Variants in PIGG observed in about 807,000 individuals in gnomAD.
PIGG encodes the protein GPI ethanolamine phosphate transferase 2, catalytic subunit.
A neutral mutation model predicts 83.2 loss-of-function variants in PIGG; 70 were observed. The observed-to-expected ratio is 0.84, with a 90% CI of 0.69 to 1.03. The LOEUF (loss-of-function observed/expected upper bound fraction) is 1.03. PIGG is among the 50% of genes least tolerant of loss of function. The probability of loss-of-function intolerance (pLI) is 0.00; values close to 1 mark genes in which losing one functional copy is unlikely to be tolerated. For synonymous variants in PIGG, 532 were observed against 519.5 expected, an observed-to-expected ratio of 1.02 and a Z score of -0.33; for missense variants, 1,257 against 1,233.6, an observed-to-expected ratio of 1.02 and a Z score of -0.28.
chr4:507,545 CGAGATGGACA>C lies in PIGG; in HGVS notation c.713_722del (p.Glu238AlafsTer3). 1 of 1,613,842 alleles carries C rather than the reference CGAGATGGACA, an allele frequency of 6.2e-7. No homozygotes were observed. The highest frequency in any genetic ancestry group is 1.1e-5 in the South Asian group (1 of 91,014). On this transcript the variant is annotated frameshift_variant, in exon 4 of 13. Transcript: ENST00000453061. LOFTEE classifies it high-confidence loss of function. ...GCCCCCTGATTGGGCAGAAGCTGAG[CGAGATGGACA>C]GCGTGCTGATGAAGATCCACACCTC...
At chr4:508,737 TA>T (rs1720805730) in intron 4 of PIGG, 91 bp from the exon 5 acceptor site, 2 of 1,149,638 alleles carry the variant, frequency 1.7e-6, no homozygotes, top group Middle Eastern at 2.5e-4. Context: ...TACAACTCTA[TA>T]AAGTAAAGCT....
chr4:508,525 G>A (rs1302424768), intron 4 of PIGG, among the ~76,000 whole-genome samples: 7 of 152,346 alleles, frequency 4.6e-5, no homozygotes, highest in African/African-American at 7.2e-5. Flanking sequence ...AGTAGAATGC[G>A]TCCAGAGTCT....
At chr4:526,328 G>A (rs371129081) in intron 9 of PIGG, among the ~76,000 whole-genome samples, 13 of 152,346 alleles carry the variant, frequency 8.5e-5, no homozygotes, top group Admixed American at 5.9e-4. Context: ...GCTTTGAAGC[G>A]GGAGCTGCAG....
intron 12 of PIGG, chr4:536,707 T>G (rs1387425669): frequency 6.6e-6 from 1 of 152,264 alleles, no homozygotes; most frequent in African/African-American, 2.4e-5. Context: ...TGGGGTGGGC[T>G]GTCAGCACGT....
chr4:503,541 T>A (rs892642420), intron 2 of PIGG, among the ~76,000 whole-genome samples: 6 of 152,150 alleles, frequency 3.9e-5, no homozygotes, highest in Admixed American at 3.9e-4. Context: ...TTTGCAGGTG[T>A]TTTACTCTGG....
chr4:539,949 G>C lies in PIGG; in HGVS notation c.*580G>C, dbSNP rs1446517220. 2 of 152,170 alleles carry C rather than the reference G, an allele frequency of 1.3e-5. No individual in the cohort carries two copies. The highest frequency in any genetic ancestry group is 2.9e-5 in the Non-Finnish European group (2 of 68,106). 9.4% of individuals were successfully genotyped at this position (152,170 alleles called of 1,614,324 possible). On this transcript the variant is annotated 3_prime_UTR_variant, in exon 13 of 13. Coordinates refer to ENST00000453061, the MANE Select transcript of PIGG (RefSeq NM_001127178.3). ...GGAGGCCAGAGTGGGGGTATCACTT[G>C]AGCCCAGGTGTTTGAGATCAGCCTG...
intron 12 of PIGG, among the ~76,000 whole-genome samples, chr4:535,836 C>G (rs1014070519): frequency 2.6e-5 from 4 of 152,176 alleles, no homozygotes; most frequent in African/African-American, 9.7e-5. Context: ...GTCCTCTCCC[C>G]GCCTCACTCC....
intron 3 of PIGG, among the ~76,000 whole-genome samples, chr4:507,098 A>G (rs1416132374): frequency 1.3e-5 from 2 of 152,204 alleles, no homozygotes; most frequent in African/African-American, 2.4e-5. Context: ...GTTTAATCCA[A>G]TGCTAATGTT....
chr4:520,966 C>A, intron 6 of PIGG, 90 bp from the exon 7 acceptor site: 2 of 875,648 alleles, frequency 2.3e-6, no homozygotes, highest in Non-Finnish European at 3.8e-6. Context: ...TTGCCGTGTG[C>A]CATGCATAAC....
At chr4:520,818 A>C (rs540521505) in intron 6 of PIGG, among the ~76,000 whole-genome samples, 2 of 152,350 alleles carry the variant, frequency 1.3e-5, no homozygotes, top group South Asian at 4.1e-4. Context: ...GGTGTATGCC[A>C]AGGACCAAGG....
chr4:505,954 T>G (rs782364233), intron 3 of PIGG, 27 bp downstream of exon 3: 1 of 1,446,936 alleles, frequency 6.9e-7, no homozygotes, highest in Non-Finnish European at 9.7e-7. Context: ...AGAAAATATA[T>G]CATACTAGAA....
chr4:529,801 G>A (rs2109010192), intron 10 of PIGG, among the ~76,000 whole-genome samples: 1 of 152,318 alleles, frequency 6.6e-6, no homozygotes, highest in Admixed American at 6.5e-5. Context: ...TAGCAAAGCT[G>A]AGGGTCAGAA....
At chr4:518,592 C>A (rs1457963218) in intron 6 of PIGG, among the ~76,000 whole-genome samples, 4 of 152,044 alleles carry the variant, frequency 2.6e-5, no homozygotes, top group African/African-American at 9.7e-5. Flanking sequence ...GACTCCATCT[C>A]AAAAAACAAA....
intron 3 of PIGG, 117 bp downstream of exon 3, chr4:506,044 G>A (rs1234100093): frequency 2.8e-6 from 2 of 718,360 alleles, no homozygotes; most frequent in Non-Finnish European, 4.7e-6. Flanking sequence ...TTAATTTATA[G>A]GGAGTACTAT....
intron 12 of PIGG, 30 bp downstream of exon 12, chr4:534,011 T>TC: frequency 6.2e-7 from 1 of 1,604,888 alleles, no homozygotes; most frequent in Non-Finnish European, 8.5e-7. Context: ...TCAGCACAGT[T>TC]CTGGGGGCCG....
In PIGG at chr4:530,573, G is replaced by T. The variant is rs759024852; in HGVS notation, c.2399G>T (p.Gly800Val). Residue 800 changes from glycine to valine, a missense_variant, in exon 11 of 13, where the codon GGA becomes GTA. Gly to Val is a moderately radical substitution (Grantham distance 109, BLOSUM62 -3). Transcript: ENST00000453061. ...KTVGLWEIYS[G>V]LVLLAALLFR... Reference sequence around the variant, plus strand: ...GTAGGTTTATGGGAGATATATAGTGGATTAGTTCTTCTGGCAGCCTTGCTC... The same window carrying T: ...GTAGGTTTATGGGAGATATATAGTGTATTAGTTCTTCTGGCAGCCTTGCTC... 1 of 1,613,836 alleles carries T rather than the reference G, an allele frequency of 6.2e-7. No homozygotes were observed. The highest frequency in any genetic ancestry group is 1.3e-5 in the African/African-American group (1 of 75,032).
rs181339617 is a variant in PIGG, at chr4:527,276, T to C, written c.2261+46T>C. On this transcript the variant is annotated intron_variant, in intron 10 of 12. Transcript: ENST00000453061. ...GGGTGCATAGAGCCACTTTACTGTT[T>C]GAAGAACTGGCGGACACGGGGCGCG... 1.2e-4 allele frequency: 189 copies of C among 1,521,332 alleles called. 1 individual carries two copies. The African/African-American group carries it at 1.9e-3, about 15-fold the overall frequency. The allele number at this position is 1,521,332 out of a possible 1,614,324, so 94.2% of individuals were successfully genotyped here.
chr4:522,078 G>A, intron 8 of PIGG, 137 bp downstream of exon 8: 1 of 897,844 alleles, frequency 1.1e-6, no homozygotes, highest in Non-Finnish European at 1.8e-6. Flanking sequence ...CCCTGGACAG[G>A]GGGCCTCAGG....
chr4:535,434 C>T (rs1488668016), intron 12 of PIGG, among the ~76,000 whole-genome samples: 4 of 152,358 alleles, frequency 2.6e-5, no homozygotes, highest in East Asian at 1.9e-4. Context: ...CACCGCGGCC[C>T]GGCCTCCTCC....
Sources: allele counts gnomAD v4.1 joint callset (sites outside exome capture counted in the v4.1 genomes callset), GRCh38; gene constraint gnomAD v4.1.1; transcripts MANE v1.5; gene names NCBI Gene and HGNC (gene_info 2026-07-23, HGNC 2026-07-21).